IPO5: variants seen among roughly 807,000 people sequenced by gnomAD.
IPO5 encodes the protein importin-5.
Under a neutral mutation model 143.3 loss-of-function variants are expected in IPO5, and 18 were observed. The ratio of observed to expected loss-of-function variants is 0.13; its 90% confidence interval spans 0.09 to 0.19. IPO5 has a LOEUF of 0.19. Among genes scored for constraint, IPO5 ranks in the 10% least tolerant of loss-of-function variants. IPO5 has a pLI of 1.00. For synonymous variants in IPO5, 477 were observed against 465.7 expected, an observed-to-expected ratio of 1.02 and a Z score of -0.31; for missense variants, 1,013 against 1,336.9, an observed-to-expected ratio of 0.76 and a Z score of 3.78.
In IPO5 at chr13:97,993,215, T is replaced by G; in HGVS notation, c.903T>G (p.Val301=). 6.2e-7 allele frequency: 1 copy of G among 1,613,870 alleles called. No homozygotes were observed. The highest frequency in any genetic ancestry group is 8.5e-7 in the Non-Finnish European group (1 of 1,179,936). ...TGTTAAGAAAACATACCAATATTGT[T>G]GCACAGACTAGTAAGTCAATGGTCT... ...AAMLRKHTNI[V]AQTIPQMLAM... Residue 301 remains valine (V), a synonymous_variant, in exon 11 of 29, where the codon GTT becomes GTG. Transcript: ENST00000651721.
Position 97,989,056 on chromosome 13 carries a change from T to G in IPO5, c.365-6T>G. On this transcript the variant is annotated splice_region_variant and splice_polypyrimidine_tract_variant and intron_variant, in intron 6 of 28. Coordinates refer to ENST00000651721, the MANE Select transcript of IPO5 (RefSeq NM_002271.6). ...CAACTTTATGTCTGGATTTCTTTAC[T>G]TTCAGATGAGGATGGCAATAACCAG... 4 of 1,571,628 alleles carry G rather than the reference T, an allele frequency of 2.5e-6. No homozygotes were observed. Among genetic ancestry groups the G allele is most frequent in the Non-Finnish European group, 3.5e-6 (4 of 1,142,150 alleles).
rs754047590 is a variant in IPO5 at position 98,010,247 on chromosome 13, A to T, written c.2055+23A>T. The T allele has an allele frequency of 1.4e-5, 23 of 1,604,398 alleles. 1 individual carries two copies. In the South Asian group the frequency reaches 2.4e-4, roughly 16 times the overall value. ...TTGGTAAGAGAGCACTGTTTTTACT[A>T]AACTTTTATTTTACATCTTATATAC... On this transcript the variant is annotated intron_variant, in intron 20 of 28. Coordinates refer to ENST00000651721, the MANE Select transcript of IPO5 (RefSeq NM_002271.6).
intron 2 of IPO5, among the ~76,000 whole-genome samples, chr13:97,961,148 G>GT (rs1884849277): frequency 6.6e-6 from 1 of 152,134 alleles, no homozygotes; most frequent in Non-Finnish European, 1.5e-5. Flanking sequence ...GTTGTTACAT[G>GT]TATCATTACT....
At chr13:97,978,066 C>G (rs957735658) in intron 4 of IPO5, among the ~76,000 whole-genome samples, 2 of 152,114 alleles carry the variant, frequency 1.3e-5, no homozygotes, top group African/African-American at 4.8e-5. Context: ...ACCCAAAATT[C>G]GGTTCTATGT....
chr13:97,962,783 C>T (rs1884996313), intron 2 of IPO5, among the ~76,000 whole-genome samples: 1 of 150,824 alleles, frequency 6.6e-6, no homozygotes, highest in South Asian at 2.1e-4. Flanking sequence ...TGTGCCACTG[C>T]ACTCCAGCCT....
intron 2 of IPO5, among the ~76,000 whole-genome samples, chr13:97,954,936 G>GA (rs1884360670): frequency 6.6e-6 from 1 of 152,078 alleles, no homozygotes; most frequent in African/African-American, 2.4e-5. Flanking sequence ...ACCTCCAAAT[G>GA]AAAAATACCG....
rs556143247 is a variant in IPO5, at chr13:98,002,544, A to G, written c.1186A>G (p.Ile396Val). The G allele has an allele frequency of 3.1e-6, 5 of 1,613,968 alleles. No homozygotes were observed. Among genetic ancestry groups the G allele is most frequent in the South Asian group, 2.2e-5 (2 of 91,082 alleles). The change falls in exon 14 of 29, where the codon ATT (isoleucine) becomes GTT (valine). Residue 396 changes from isoleucine to valine, a missense_variant. Physicochemically the swap from Ile to Val is conservative, Grantham distance 29. Transcript: ENST00000651721. ...GEGCHQQMEGILNEIVNFVLL... is the reference protein window; with the variant it reads ...GEGCHQQMEGVLNEIVNFVLL... Reference sequence around the variant, plus strand: ...AGGGTGCCACCAGCAAATGGAAGGAATTCTAAATGAGATCGTAAATTTTGT... The same window carrying G: ...AGGGTGCCACCAGCAAATGGAAGGAGTTCTAAATGAGATCGTAAATTTTGT...
intron 18 of IPO5, among the ~76,000 whole-genome samples, chr13:98,008,432 G>C (rs552015608): frequency 6.6e-6 from 1 of 152,036 alleles, no homozygotes; most frequent in Non-Finnish European, 1.5e-5. Flanking sequence ...CATGGCTTCC[G>C]GTTTCCTCTG....
intron 5 of IPO5, among the ~76,000 whole-genome samples, chr13:97,983,509 CT>C (rs765302381): frequency 9.3e-5 from 14 of 150,578 alleles, no homozygotes; most frequent in Non-Finnish European, 1.6e-4. Flanking sequence ...TTTCCTACTA[CT>C]GATTGAGGCA....
intron 9 of IPO5, among the ~76,000 whole-genome samples, chr13:97,991,065 A>T (rs1429322853): frequency 6.6e-6 from 1 of 152,132 alleles, no homozygotes; most frequent in Non-Finnish European, 1.5e-5. Context: ...AAAAAATTTT[A>T]TATTAATTAA....
chr13:98,015,394 C>T, intron 22 of IPO5, 136 bp from the exon 23 acceptor site: 1 of 609,806 alleles, frequency 1.6e-6, no homozygotes, highest in African/African-American at 1.9e-5. Flanking sequence ...CTAACAAATA[C>T]AAGCTAAGCA....
At chr13:97,974,928 C>T (rs1459584767) in intron 3 of IPO5, among the ~76,000 whole-genome samples, 1 of 152,164 alleles carries the variant, frequency 6.6e-6, no homozygotes, top group African/African-American at 2.4e-5. Flanking sequence ...TCTTGGCTGG[C>T]CATCCCAATT....
At chr13:97,962,755 G>A (rs1237638260) in intron 2 of IPO5, among the ~76,000 whole-genome samples, 1 of 151,810 alleles carries the variant, frequency 6.6e-6, no homozygotes, top group African/African-American at 2.4e-5. Context: ...GGAGGCAGAG[G>A]TTGCAGTGAG....
intron 20 of IPO5, among the ~76,000 whole-genome samples, chr13:98,010,731 TTTC>T (rs531167768): frequency 2.6e-5 from 4 of 151,572 alleles, no homozygotes; most frequent in Non-Finnish European, 4.4e-5. Context: ...AGTTCCTAGT[TTTC>T]TTTTTGTTTT....
chr13:97,995,545 G>T (rs1451397297), intron 11 of IPO5, among the ~76,000 whole-genome samples: 4 of 151,978 alleles, frequency 2.6e-5, no homozygotes, highest in Non-Finnish European at 5.9e-5. Context: ...CACGAGGTCA[G>T]GAGATCAAGA....
Position 97,979,959 on chromosome 13 carries a change from ATATT to A in IPO5, c.91-2540_91-2537del, listed in dbSNP as rs1227247311. The A allele has an allele frequency of 8.8e-6, 4 of 456,702 alleles. No individual in the cohort carries two copies. In the Admixed American group the frequency reaches 9.4e-5, roughly 11 times the overall value. The allele number at this position is 456,702 out of a possible 1,614,324, so 28.3% of individuals were successfully genotyped here. A position where few individuals can be genotyped will look rare whatever the true frequency, so the allele number is the denominator to read the frequency against. On this transcript the variant is annotated intron_variant, in intron 4 of 28. Coordinates refer to ENST00000651721, the MANE Select transcript of IPO5 (RefSeq NM_002271.6). The stretch of plus-strand genomic sequence containing the variant: ...CTCATACAAGGTAGGCTCACTATAA[ATATT>A]TATGGAATGAGATGAGTACATATGA...
At chr13:98,007,843 A>G (rs540083576) in intron 17 of IPO5, among the ~76,000 whole-genome samples, 3 of 152,374 alleles carry the variant, frequency 2.0e-5, no homozygotes, top group South Asian at 2.1e-4. Context: ...AAGTACCTTT[A>G]TACTGTAGTT....
chr13:97,982,980 C>G (rs1287495944), intron 5 of IPO5, among the ~76,000 whole-genome samples: 1 of 152,208 alleles, frequency 6.6e-6, no homozygotes, highest in Non-Finnish European at 1.5e-5. Context: ...AAGCAGTTCT[C>G]CTGCCTCAGC....
chr13:98,012,261 G>C lies in IPO5; in HGVS notation c.2071G>C (p.Glu691Gln). Residue 691 changes from glutamate (E) to glutamine (Q), a missense_variant, in exon 21 of 29, where the codon GAG (glutamate) becomes CAG (glutamine). By Grantham distance (29) the Glu-to-Gln change is conservative. This residue lies in a region of IPO5 where 685 missense variants were observed against 994.9 expected (regional missense o/e 0.69). Coordinates refer to ENST00000651721, the MANE Select transcript of IPO5 (RefSeq NM_002271.6). ...TTGGTTACAGGTTTGCTATGCTAAGGAGTTAAAGGAAGGCTTTGTGGAGTA... is the reference window on the plus strand; with the variant it reads ...TTGGTTACAGGTTTGCTATGCTAAGCAGTTAAAGGAAGGCTTTGTGGAGTA... The part of the protein sequence containing the change: ...ACQMLVCYAK[E>Q]LKEGFVEYTE... The C allele has an allele frequency of 6.2e-7, 1 of 1,606,732 alleles. No homozygotes were observed. Among genetic ancestry groups the C allele is most frequent in the Non-Finnish European group, 8.5e-7 (1 of 1,173,334 alleles).
Sources: allele counts gnomAD v4.1 joint callset (sites outside exome capture counted in the v4.1 genomes callset), GRCh38; gene constraint gnomAD v4.1.1; regional missense constraint gnomAD v4.1.1; transcripts MANE v1.5; gene names NCBI Gene and HGNC (gene_info 2026-07-23, HGNC 2026-07-21).